Variants in ATP6AP2 observed in about 807,000 individuals in gnomAD.
ATP6AP2 encodes the protein renin receptor.
ATP6AP2 carries 1 observed loss-of-function variant against 23.4 expected under a neutral mutation model. The ratio of observed to expected loss-of-function variants is 0.04; its 90% confidence interval spans 0.02 to 0.20. The LOEUF (loss-of-function observed/expected upper bound fraction) is 0.20. ATP6AP2 is among the 10% of genes least tolerant of loss of function. The probability of loss-of-function intolerance (pLI) is 1.00; values close to 1 mark genes in which losing one functional copy is unlikely to be tolerated. For synonymous variants in ATP6AP2, 90 were observed against 97.1 expected (o/e 0.93, Z 0.43); for missense variants, 174 against 271.3 (o/e 0.64, Z 2.52).
At chrX:40,582,823 T>C (rs1430186576) in intron 1 of ATP6AP2, among the ~76,000 whole-genome samples, 1 of 112,268 alleles carries the variant, frequency 8.9e-6, no homozygotes, top group Non-Finnish European at 1.9e-5. Context: ...CTTTTTTGTT[T>C]TGGGTCTGAG....
At chrX:40,589,246 A>C in intron 2 of ATP6AP2, 130 bp downstream of exon 2, 49 of 820,530 alleles carry the variant, frequency 6.0e-5, no homozygotes, top group Non-Finnish European at 7.6e-5. Context: ...TAAAAAGCTC[A>C]TCTGGACCAG....
chrX:40,598,502 A>G, intron 5 of ATP6AP2, 179 bp from the exon 6 acceptor site: 8 of 493,196 alleles, frequency 1.6e-5, no homozygotes, highest in Non-Finnish European at 2.4e-5. Context: ...CCTTTTTGTT[A>G]GGAAATAATG....
chrX:40,596,975 A>G (rs1037461623), intron 3 of ATP6AP2: 8 of 276,845 alleles, frequency 2.9e-5, no homozygotes, highest in Admixed American at 1.8e-4. Context: ...ATGAATGACC[A>G]CCAGAAAATG....
At chrX:40,588,227 A>G (rs1406957198) in intron 1 of ATP6AP2, among the ~76,000 whole-genome samples, 1 of 111,454 alleles carries the variant, frequency 9.0e-6, no homozygotes, top group Non-Finnish European at 1.9e-5. Context: ...CTTTATCATT[A>G]CAGAATACCT....
chrX:40,601,465 G>A, intron 8 of ATP6AP2, among the ~76,000 whole-genome samples: 1 of 111,714 alleles, frequency 9.0e-6, no homozygotes, highest in Non-Finnish European at 1.9e-5. Context: ...GTTTTTTTGG[G>A]TATGGATCTT....
At chrX:40,593,044 C>T (rs751211023) in intron 3 of ATP6AP2, among the ~76,000 whole-genome samples, 8 of 111,941 alleles carry the variant, frequency 7.1e-5, no homozygotes, top group Admixed American at 9.5e-5. Flanking sequence ...GGCGAGGAGT[C>T]CGAGACCAGC....
intron 3 of ATP6AP2, 169 bp downstream of exon 3, chrX:40,591,534 T>C: frequency 1.7e-6 from 1 of 579,101 alleles, no homozygotes; most frequent in South Asian, 2.9e-5. Context: ...ACATGATGAT[T>C]GTAATTAACT....
At chrX:40,594,308 G>A (rs1021987683) in intron 3 of ATP6AP2, among the ~76,000 whole-genome samples, 33 of 112,422 alleles carry the variant, frequency 2.9e-4, no homozygotes, top group African/African-American at 1.1e-3. Context: ...GCAAAAGCCA[G>A]ATCCACACCT....
rs770708693 is a variant in ATP6AP2, at chrX:40,589,774, G to GTAA, written c.168+659_168+661dup. On this transcript the variant is annotated intron_variant, in intron 2 of 8. Transcript: ENST00000636580. ...TCCAGTCAATGTGAGAGATCGAAAG[G>GTAA]TAAGGGCTCAGAAGAAAGGAAATAC... The GTAA allele has an allele frequency of 3.6e-5, 4 of 111,749 alleles. No homozygotes were observed. In the South Asian group the frequency reaches 1.1e-3, roughly 31 times the overall value. 9.2% of individuals were successfully genotyped at this position (111,749 alleles called of 1,213,427 possible).
chrX:40,591,529 A>G lies in ATP6AP2; in HGVS notation c.300+164A>G, dbSNP rs1926628736. On this transcript the variant is annotated intron_variant, in intron 3 of 8. Coordinates refer to ENST00000636580, the MANE Select transcript of ATP6AP2 (RefSeq NM_005765.3). ...AATTTCTTTTTAAGAAAATTACATGATGATTGTAATTAACTGAGGCTTGGC... is the reference window on the plus strand; with the variant it reads ...AATTTCTTTTTAAGAAAATTACATGGTGATTGTAATTAACTGAGGCTTGGC... 23 of 600,015 alleles carry G rather than the reference A, an allele frequency of 3.8e-5. No individual in the cohort carries two copies. In the South Asian group the frequency reaches 6.6e-4, roughly 17 times the overall value. 49.4% of individuals were successfully genotyped at this position (600,015 alleles called of 1,213,427 possible). A position where few individuals can be genotyped will look rare whatever the true frequency, so the allele number is the denominator to read the frequency against.
chrX:40,581,343 C>T (rs1479568045), intron 1 of ATP6AP2, among the ~76,000 whole-genome samples: 2 of 113,390 alleles, frequency 1.8e-5, no homozygotes, highest in African/African-American at 3.2e-5. Context: ...CCTGCCTCCA[C>T]CCTCCACTTT....
At chrX:40,584,003 AGATCTCC>A (rs1297422779) in intron 1 of ATP6AP2, among the ~76,000 whole-genome samples, 1 of 112,198 alleles carries the variant, frequency 8.9e-6, no homozygotes, top group African/African-American at 3.2e-5. Context: ...TGGAGCCCTC[AGATCTCC>A]AAAGTGGAGT....
At chrX:40,594,647 A>G (rs1926732261) in intron 3 of ATP6AP2, among the ~76,000 whole-genome samples, 1 of 112,233 alleles carries the variant, frequency 8.9e-6, no homozygotes, top group Admixed American at 9.5e-5. Flanking sequence ...TAGTAAATAG[A>G]CAAGACCTAA....
chrX:40,602,103 G>A (rs1286099519), intron 8 of ATP6AP2, among the ~76,000 whole-genome samples: 1 of 90,534 alleles, frequency 1.1e-5, no homozygotes, highest in Non-Finnish European at 1.9e-5. Context: ...GCAACATGGT[G>A]AAACCCCGTC....
chrX:40,586,851 G>C (rs910489754), intron 1 of ATP6AP2, among the ~76,000 whole-genome samples: 2 of 112,423 alleles, frequency 1.8e-5, no homozygotes, highest in Non-Finnish European at 3.8e-5. Flanking sequence ...TGTTGTACAG[G>C]CATGGAAGTT....
intron 8 of ATP6AP2, among the ~76,000 whole-genome samples, chrX:40,604,510 A>G (rs1005619783): frequency 6.3e-5 from 7 of 111,188 alleles, no homozygotes; most frequent in Admixed American, 1.9e-4. Flanking sequence ...CCATGATCCA[A>G]TCACCTCCCA....
At position 40,585,634 on chromosome X, in the gene ATP6AP2, G is replaced by A. The variant is rs188231075; in HGVS notation, c.38-3352G>A. ...TTTGGGAGGCCGAGGCAGGCGGATTGTTTGAGGTCAGGAGTTCGAGACCAG... is the reference window on the plus strand; with the variant it reads ...TTTGGGAGGCCGAGGCAGGCGGATTATTTGAGGTCAGGAGTTCGAGACCAG... On this transcript the variant is annotated intron_variant, in intron 1 of 8. Coordinates refer to ENST00000636580, the MANE Select transcript of ATP6AP2 (RefSeq NM_005765.3). Among the ~76,000 whole-genome samples, 90 of 110,873 alleles carry A rather than the reference G, an allele frequency of 8.1e-4. 1 individual carries two copies. Among genetic ancestry groups the A allele is most frequent in the African/African-American group, 2.8e-3 (84 of 30,529 alleles).
chrX:40,603,390 C>G (rs1269513097), intron 8 of ATP6AP2: 1 of 109,255 alleles, frequency 9.2e-6, no homozygotes, highest in African/African-American at 3.4e-5. Flanking sequence ...AAGAGGTCTT[C>G]ATGGGCGTGA....
At chrX:40,596,134 G>A (rs368123171) in intron 3 of ATP6AP2, among the ~76,000 whole-genome samples, 22 of 109,902 alleles carry the variant, frequency 2.0e-4, no homozygotes, top group African/African-American at 6.6e-4. Flanking sequence ...AGCCGAGATC[G>A]CGCCACTGTA....
Sources: allele counts gnomAD v4.1 joint callset (sites outside exome capture counted in the v4.1 genomes callset), GRCh38; gene constraint gnomAD v4.1.1; transcripts MANE v1.5; gene names NCBI Gene and HGNC (gene_info 2026-07-23, HGNC 2026-07-21).